LARGE1: variants seen among roughly 807,000 people sequenced by gnomAD.
LARGE1 encodes LARGE xylosyl- and glucuronyltransferase 1, also known as xylosyl- and glucuronyltransferase LARGE1.
LARGE1 carries 43 observed loss-of-function variants against 87.6 expected under a neutral mutation model. That is an observed-to-expected ratio of 0.49 (90% CI 0.38 to 0.63). LARGE1 has a LOEUF of 0.63. LARGE1 is among the 30% of genes least tolerant of loss of function. The pLI is 0.00. For synonymous variants in LARGE1, 434 were observed against 394.6 expected, an observed-to-expected ratio of 1.10 and a Z score of -1.18; for missense variants, 802 against 1,000.2, an observed-to-expected ratio of 0.80 and a Z score of 2.67.
rs758797495 is a variant in LARGE1, at chr22:33,696,366, G to A, written c.107-45698C>T. On this transcript the variant is annotated intron_variant, in intron 2 of 14. Coordinates refer to ENST00000397394, the MANE Select transcript of LARGE1 (RefSeq NM_133642.5). ...CAACCTCTGCCTCCTGGTTTCAAGG[G>A]ATTCTCCTGCCTCAGCCTCCTGAGT... 1.9e-4 allele frequency among the ~76,000 whole-genome samples: 29 copies of A among 150,892 alleles called. 1 individual carries two copies. The highest frequency in any genetic ancestry group is 4.0e-4 in the Non-Finnish European group (27 of 67,838).
the LARGE1 span, among the ~76,000 whole-genome samples, chr22:33,141,380 G>T: frequency 2.0e-5 from 3 of 152,100 alleles, no homozygotes; most frequent in Non-Finnish European, 4.4e-5. Context: ...AGTGTTTGAA[G>T]AAAAATATGG....
chr22:33,781,119 GA>G (rs1314282394), intron 1 of LARGE1, among the ~76,000 whole-genome samples: 2 of 152,186 alleles, frequency 1.3e-5, no homozygotes, highest in African/African-American at 4.8e-5. Flanking sequence ...TCTTAGTTTG[GA>G]CGTTTTTCAT....
At chr22:33,524,416 T>A (rs1000359693) in intron 6 of LARGE1, among the ~76,000 whole-genome samples, 1 of 152,148 alleles carries the variant, frequency 6.6e-6, no homozygotes, top group Non-Finnish European at 1.5e-5. Flanking sequence ...TACCCTCTTG[T>A]CATCTTATAA....
At chr22:33,376,237 T>C (rs1446352067) in intron 9 of LARGE1, among the ~76,000 whole-genome samples, 12 of 152,212 alleles carry the variant, frequency 7.9e-5, no homozygotes, top group Non-Finnish European at 4.4e-5. Flanking sequence ...AAAGCTAGAA[T>C]ACACCTGTTA....
At chr22:33,422,145 C>T (rs575609732) in intron 7 of LARGE1, among the ~76,000 whole-genome samples, 4 of 152,332 alleles carry the variant, frequency 2.6e-5, no homozygotes, top group South Asian at 2.1e-4. Flanking sequence ...CTCCAACCTT[C>T]GACTTTCAAA....
rs749567702 is a variant in LARGE1 at position 33,417,671 on chromosome 22, G to A, written c.892+14490C>T. On this transcript the variant is annotated intron_variant, in intron 7 of 14. Coordinates refer to ENST00000397394, the MANE Select transcript of LARGE1 (RefSeq NM_133642.5). ...AGTCTTGCAAGACCAAAGTCAAGGTGCAGCCATCCAGGGCTCTTGCCCGGG... is the reference window on the plus strand; with the variant it reads ...AGTCTTGCAAGACCAAAGTCAAGGTACAGCCATCCAGGGCTCTTGCCCGGG... Among the ~76,000 whole-genome samples, 19 of 152,282 alleles carry A rather than the reference G, an allele frequency of 1.2e-4. No homozygotes were observed. In the South Asian group the frequency reaches 3.1e-3, roughly 25 times the overall value.
intron 2 of LARGE1, among the ~76,000 whole-genome samples, chr22:33,720,239 T>C (rs1160525292): frequency 2.0e-5 from 3 of 152,126 alleles, no homozygotes; most frequent in African/African-American, 7.2e-5. Flanking sequence ...TAGATTCTCA[T>C]AAGGAGCCCT....
chr22:33,171,573 C>T (rs1922574255), intron 11 of LARGE1, among the ~76,000 whole-genome samples: 1 of 152,220 alleles, frequency 6.6e-6, no homozygotes, highest in Non-Finnish European at 1.5e-5. Flanking sequence ...GCCACTCCAG[C>T]TCCAGCTGTG....
intron 6 of LARGE1, among the ~76,000 whole-genome samples, chr22:33,522,129 T>C (rs541827659): frequency 1.3e-5 from 2 of 152,308 alleles, no homozygotes; most frequent in East Asian, 3.9e-4. Flanking sequence ...CATCAGGCCC[T>C]ACCTGAAACA....
downstream of LARGE1, among the ~76,000 whole-genome samples, chr22:33,157,872 T>G (rs996227327): frequency 1.4e-4 from 21 of 152,134 alleles, no homozygotes; most frequent in African/African-American, 4.8e-4. Context: ...TTTAGAGTGA[T>G]GAAAGGAAAT....
intron 2 of LARGE1, among the ~76,000 whole-genome samples, chr22:33,657,582 A>C (rs2081002482): frequency 6.6e-6 from 1 of 152,092 alleles, no homozygotes; most frequent in Non-Finnish European, 1.5e-5. Flanking sequence ...TTTATTTCCA[A>C]ACACAAGCAG....
intron 3 of LARGE1, among the ~76,000 whole-genome samples, chr22:33,627,515 C>A (rs535633696): frequency 1.8e-4 from 28 of 152,326 alleles, no homozygotes; most frequent in African/African-American, 5.8e-4. Flanking sequence ...GATGCCTTTT[C>A]TTTTCCAGAA....
chr22:33,810,487 A>C (rs2086457826), intron 1 of LARGE1, among the ~76,000 whole-genome samples: 1 of 152,182 alleles, frequency 6.6e-6, no homozygotes, highest in Non-Finnish European at 1.5e-5. Flanking sequence ...TGAGCACATC[A>C]AGGTAGAACT....
chr22:33,303,811 G>C (rs1934488257), intron 12 of LARGE1, among the ~76,000 whole-genome samples: 1 of 151,144 alleles, frequency 6.6e-6, no homozygotes, highest in African/African-American at 2.4e-5. Context: ...TTTTAGTAGG[G>C]GGGGGGTTTC....
At chr22:33,559,969 C>T (rs145281310) in intron 6 of LARGE1, among the ~76,000 whole-genome samples, 7 of 152,294 alleles carry the variant, frequency 4.6e-5, no homozygotes, top group Non-Finnish European at 7.3e-5. Context: ...AGTTCTTTCA[C>T]GAATCTAACT....
intron 11 of LARGE1, among the ~76,000 whole-genome samples, chr22:33,226,770 C>A (rs1925758759): frequency 6.6e-6 from 1 of 151,636 alleles, no homozygotes; most frequent in Non-Finnish European, 1.5e-5. Flanking sequence ...CGCTCTTTAG[C>A]CCAGGCCGGA....
intron 2 of LARGE1, among the ~76,000 whole-genome samples, chr22:33,749,299 A>T (rs577959814): frequency 2.5e-4 from 38 of 152,242 alleles, no homozygotes; most frequent in African/African-American, 8.9e-4. Context: ...TTTTCAGTAG[A>T]GATGGGGTTT....
chr22:33,227,795 C>T (rs1434649225), intron 11 of LARGE1, among the ~76,000 whole-genome samples: 1 of 152,156 alleles, frequency 6.6e-6, no homozygotes, highest in African/African-American at 2.4e-5. Flanking sequence ...GAAAAAAGGA[C>T]AATTTGTCAT....
chr22:33,255,464 G>C (rs1468279862), intron 11 of LARGE1, among the ~76,000 whole-genome samples: 1 of 152,278 alleles, frequency 6.6e-6, no homozygotes, highest in South Asian at 2.1e-4. Flanking sequence ...AGTTGGGTGA[G>C]GATGTCTCCA....
Sources: gnomAD v4.1 joint callset for allele counts (sites outside exome capture counted in the v4.1 genomes callset) on GRCh38, gnomAD v4.1.1 for gene constraint, MANE v1.5 for transcripts, NCBI Gene and HGNC (gene_info 2026-07-23, HGNC 2026-07-21) for gene names.